Variants in AKAP6 observed in about 807,000 individuals in gnomAD.
AKAP6 encodes A-kinase anchor protein 6.
Under a neutral mutation model 188.5 loss-of-function variants are expected in AKAP6, and 58 were observed. The ratio of observed to expected loss-of-function variants is 0.31; its 90% CI spans 0.25 to 0.38. The LOEUF is 0.38. Among genes scored for constraint, AKAP6 ranks in the 10% least tolerant of loss-of-function variants. The pLI, the probability that AKAP6 is intolerant of heterozygous loss-of-function variation, is 1.00. For synonymous variants in AKAP6, 989 were observed against 998.6 expected (o/e 0.99, Z 0.18); for missense variants, 2,710 against 2,740.0 (o/e 0.99, Z 0.24).
At chr14:32,715,863 G>A (rs79995038) in intron 9 of AKAP6, among the ~76,000 whole-genome samples, 78 of 151,972 alleles carry the variant, frequency 5.1e-4, no homozygotes, top group Middle Eastern at 6.8e-3. Flanking sequence ...TGGCATAAAA[G>A]AGATGAGAAA....
At chr14:32,760,570 C>A (rs999796712) in intron 11 of AKAP6, among the ~76,000 whole-genome samples, 1 of 152,088 alleles carries the variant, frequency 6.6e-6, no homozygotes, top group African/African-American at 2.4e-5. Context: ...TGTCTTGCTG[C>A]CAAAATGTTA....
chr14:32,420,846 C>G (rs562639289), intron 1 of AKAP6, among the ~76,000 whole-genome samples: 1 of 151,752 alleles, frequency 6.6e-6, no homozygotes, highest in East Asian at 1.9e-4. Context: ...TCTTGCTTTA[C>G]TCCTTTGTTT....
chr14:32,786,647 A>C (rs1448117776), intron 12 of AKAP6, among the ~76,000 whole-genome samples: 2 of 151,948 alleles, frequency 1.3e-5, no homozygotes, highest in Admixed American at 1.3e-4. Context: ...TAAAAGCAAG[A>C]AAAATTTGCC....
chr14:32,728,812 A>G (rs2031022483), intron 9 of AKAP6, among the ~76,000 whole-genome samples: 1 of 152,134 alleles, frequency 6.6e-6, no homozygotes, highest in Admixed American at 6.5e-5. Flanking sequence ...GAATTCCATC[A>G]TGCTGCCTTT....
intron 2 of AKAP6, among the ~76,000 whole-genome samples, chr14:32,467,219 A>G (rs1475387647): frequency 1.6e-5 from 2 of 127,840 alleles, no homozygotes; most frequent in Non-Finnish European, 3.8e-5. Flanking sequence ...AAGGAAAAAA[A>G]AACAAAAACA....
chr14:32,463,766 G>C (rs972531371), intron 2 of AKAP6, among the ~76,000 whole-genome samples: 6 of 152,116 alleles, frequency 3.9e-5, no homozygotes, highest in Admixed American at 2.6e-4. Flanking sequence ...GAAGGAGATA[G>C]AGACACAAAA....
intron 9 of AKAP6, among the ~76,000 whole-genome samples, chr14:32,716,748 A>C (rs2030230596): frequency 6.7e-6 from 1 of 150,222 alleles, no homozygotes; most frequent in Admixed American, 6.7e-5. Flanking sequence ...GATTTCTTTT[A>C]CTCTCTAATA....
At chr14:32,571,169 C>A (rs530773764) in intron 4 of AKAP6, among the ~76,000 whole-genome samples, 1 of 151,834 alleles carries the variant, frequency 6.6e-6, no homozygotes, top group Admixed American at 6.6e-5. Context: ...TAGAATTGTC[C>A]AGATGAGAGC....
intron 11 of AKAP6, among the ~76,000 whole-genome samples, chr14:32,766,306 C>A (rs556294113): frequency 1.3e-5 from 2 of 152,082 alleles, no homozygotes; most frequent in South Asian, 4.1e-4. Context: ...ATGAATAATG[C>A]CATTATGAAT....
At chr14:32,787,671 T>C (rs755497206) in intron 12 of AKAP6, among the ~76,000 whole-genome samples, 19 of 152,170 alleles carry the variant, frequency 1.2e-4, no homozygotes, top group Non-Finnish European at 2.6e-4. Flanking sequence ...TAATTACTTG[T>C]ACTTAATTAC....
chr14:32,653,249 A>G (rs779637524), intron 7 of AKAP6, among the ~76,000 whole-genome samples: 2 of 152,072 alleles, frequency 1.3e-5, no homozygotes, highest in Non-Finnish European at 2.9e-5. Context: ...TTATTTATTA[A>G]TAAGTGTTGT....
rs2034566330 is a variant in AKAP6, at chr14:32,822,832, A to G, written c.5019A>G (p.Ser1673=). The G allele has an allele frequency of 1.2e-6, 2 of 1,613,978 alleles. No individual in the cohort carries two copies. Among genetic ancestry groups the G allele is most frequent in the Non-Finnish European group, 1.7e-6 (2 of 1,179,932 alleles). The part of the protein sequence containing the change: ...SQKMSFTGQM[S]LDIASSINED... ...AGATGTCCTTTACTGGCCAGATGTC[A>G]TTGGACATAGCATCTTCTATCAATG... The change falls in exon 13 of 14, where the codon TCA becomes TCG. Residue 1673 remains serine (S), a synonymous_variant. Transcript: ENST00000280979.
chr14:32,519,717 A>G (rs1401548486), intron 2 of AKAP6, among the ~76,000 whole-genome samples: 2 of 152,190 alleles, frequency 1.3e-5, no homozygotes, highest in African/African-American at 4.8e-5. Flanking sequence ...AGACCTACAA[A>G]GAGACTTAGA....
At chr14:32,504,099 T>G (rs1275826895) in intron 2 of AKAP6, among the ~76,000 whole-genome samples, 1 of 152,020 alleles carries the variant, frequency 6.6e-6, no homozygotes, top group Non-Finnish European at 1.5e-5. Flanking sequence ...CTTAAAAAAT[T>G]ATTCCATAGT....
At chr14:32,349,212 A>G (rs1887176526) in intron 1 of AKAP6, among the ~76,000 whole-genome samples, 2 of 152,264 alleles carry the variant, frequency 1.3e-5, no homozygotes, top group Admixed American at 6.5e-5. Flanking sequence ...TATTTTGGAC[A>G]GGAATTCAAA....
At chr14:32,813,278 A>G (rs1481825345) in intron 12 of AKAP6, among the ~76,000 whole-genome samples, 1 of 152,098 alleles carries the variant, frequency 6.6e-6, no homozygotes, top group Non-Finnish European at 1.5e-5. Flanking sequence ...CAAAGCTTCC[A>G]CATTTCTCCA....
intron 7 of AKAP6, among the ~76,000 whole-genome samples, chr14:32,610,020 G>A (rs1886290009): frequency 6.6e-6 from 1 of 152,112 alleles, no homozygotes; most frequent in Non-Finnish European, 1.5e-5. Context: ...GTGTGGGTGT[G>A]TTTATATAAC....
chr14:32,348,375 A>G (rs972687976), intron 1 of AKAP6, among the ~76,000 whole-genome samples: 1 of 152,106 alleles, frequency 6.6e-6, no homozygotes, highest in Non-Finnish European at 1.5e-5. Flanking sequence ...GAAGAACTCA[A>G]AAGACTTTTG....
chr14:32,747,960 A>T (rs1325212418), intron 11 of AKAP6, among the ~76,000 whole-genome samples: 3 of 152,198 alleles, frequency 2.0e-5, no homozygotes, highest in Admixed American at 6.5e-5. Context: ...GACCAGATTC[A>T]TGGAAGTCAA....
Sources: gnomAD v4.1 joint callset for allele counts (sites outside exome capture counted in the v4.1 genomes callset) on GRCh38, gnomAD v4.1.1 for gene constraint, MANE v1.5 for transcripts, NCBI Gene and HGNC (gene_info 2026-07-23, HGNC 2026-07-21) for gene names.